ACTB: variants seen among roughly 807,000 people sequenced by gnomAD.
The protein encoded by ACTB is actin, cytoplasmic 1.
A neutral mutation model predicts 30.5 loss-of-function variants in ACTB; 2 were observed. The ratio of observed to expected loss-of-function variants is 0.07; its 90% CI spans 0.03 to 0.21. The LOEUF (loss-of-function observed/expected upper bound fraction) is 0.21, where lower values mean the gene tolerates loss of function less well. ACTB is among the 10% of genes least tolerant of loss of function. The pLI is 1.00. For missense variants in ACTB, 56 were observed against 530.0 expected, an observed-to-expected ratio of 0.11 and a Z score of 8.78; for synonymous variants, 335 against 217.6, an observed-to-expected ratio of 1.54 and a Z score of -4.75.
chr7:5,528,031 G>T lies in ACTB; in HGVS notation c.957C>A (p.Ala319=), dbSNP rs1190506800. 6.2e-7 allele frequency: 1 copy of T among 1,614,194 alleles called. No homozygotes were observed. The highest frequency in any genetic ancestry group is 1.1e-5 in the South Asian group (1 of 91,078). ...TGATCTTCATTGTGCTGGGTGCCAGGGCAGTGATCTCCTTCTGCATCCTGT... is the reference window on the plus strand; with the variant it reads ...TGATCTTCATTGTGCTGGGTGCCAGTGCAGTGATCTCCTTCTGCATCCTGT... ...IADRMQKEIT[A]LAPSTMKIKI... Residue 319 remains alanine, a synonymous_variant, in exon 5 of 6, where the codon GCC becomes GCA. Coordinates refer to ENST00000646664, the MANE Select transcript of ACTB (RefSeq NM_001101.5).
Position 5,527,735 on chromosome 7 carries a change from A to G in ACTB, c.*13T>C. On this transcript the variant is annotated 3_prime_UTR_variant, in exon 6 of 6. Transcript: ENST00000646664. ...GTCAAGAAAGGGTGTAACGCAACTA[A>G]GTCATAGTCCGCCTAGAAGCATTTG... 1 of 1,613,430 alleles carries G rather than the reference A, an allele frequency of 6.2e-7. No homozygotes were observed.
Position 5,527,532 on chromosome 7 carries a change from G to GT in ACTB, c.*215dup. 1.4e-6 allele frequency: 1 copy of GT among 717,110 alleles called. No homozygotes were observed. Among genetic ancestry groups the GT allele is most frequent in the South Asian group, 1.9e-5 (1 of 53,406 alleles). 44.4% of individuals were successfully genotyped at this position (717,110 alleles called of 1,614,324 possible). A position where few individuals can be genotyped will look rare whatever the true frequency, so the allele number is the denominator to read the frequency against. The stretch of plus-strand genomic sequence containing the variant: ...AAAAAAACAACAATGTGCAATCAAA[G>GT]TCCTCGGCCACATTGTGAACTTTGG... On this transcript the variant is annotated 3_prime_UTR_variant, in exon 6 of 6. Transcript: ENST00000646664.
rs141472083 is a variant in ACTB, at chr7:5,528,609, C to T, written c.474G>A (p.Gly158=). 74 of 1,613,832 alleles carry T rather than the reference C, an allele frequency of 4.6e-5. No individual in the cohort carries two copies. The highest frequency in any genetic ancestry group is 6.0e-5 in the Non-Finnish European group (71 of 1,180,020). The part of the protein sequence containing the change: ...TTGIVMDSGD[G]VTHTVPIYEG... ...CGTAGATGGGCACAGTGTGGGTGAC[C>T]CCGTCACCGGAGTCCATCACGATGC... Residue 158 remains glycine, a synonymous_variant, in exon 4 of 6, where the codon GGG becomes GGA. Transcript: ENST00000646664.
intron 1 of ACTB, among the ~76,000 whole-genome samples, chr7:5,530,195 C>T (rs1362195826): frequency 6.6e-6 from 1 of 152,098 alleles, no homozygotes; most frequent in African/African-American, 2.4e-5. Context: ...CAGCCCCCAC[C>T]GGGCCTGGCG....
At chr7:5,529,880 C>G (rs1784850137) in intron 1 of ACTB, 1 of 741,958 alleles carries the variant, frequency 1.3e-6, no homozygotes, top group South Asian at 1.5e-5. Flanking sequence ...CCCTCCCAAC[C>G]GGGCGCCAGC....
In ACTB at chr7:5,527,377, G is replaced by C. The variant is rs1257978054; in HGVS notation, c.*371C>G. 2 of 312,900 alleles carry C rather than the reference G, an allele frequency of 6.4e-6. No individual in the cohort carries two copies. The highest frequency in any genetic ancestry group is 1.5e-4 in the East Asian group (2 of 13,082). 19.4% of individuals were successfully genotyped at this position (312,900 alleles called of 1,614,324 possible). On this transcript the variant is annotated 3_prime_UTR_variant, in exon 6 of 6. Transcript: ENST00000646664. The stretch of plus-strand genomic sequence containing the variant: ...TTTGCATTACATAATTTACACGAAA[G>C]CAATGCTATCACCTCCCCTGTGTGG...
At chr7:5,530,316 G>A (rs7798353) in intron 1 of ACTB, among the ~76,000 whole-genome samples, 13,558 of 152,006 alleles carry the variant, frequency 0.089, 1,309 homozygotes, top group African/African-American at 0.24. Flanking sequence ...CGCGCCTCCC[G>A]AGCGCGGCCT....
At position 5,528,736 on chromosome 7, in the gene ACTB, C is replaced by T; in HGVS notation, c.364-17G>A. 2 of 1,612,722 alleles carry T rather than the reference C, an allele frequency of 1.2e-6. No individual in the cohort carries two copies. The highest frequency in any genetic ancestry group is 1.7e-6 in the Non-Finnish European group (2 of 1,179,470). On this transcript the variant is annotated splice_polypyrimidine_tract_variant and intron_variant, in intron 3 of 5. Coordinates refer to ENST00000646664, the MANE Select transcript of ACTB (RefSeq NM_001101.5). ...AAACATGATCTGTAAGGCAGAGATA[C>T]ACCATGTCACACTGGGGAAGCCACT...
At position 5,528,447 on chromosome 7, in the gene ACTB, A is replaced by C; in HGVS notation, c.636T>G (p.Ile212Met). The stretch of plus-strand genomic sequence containing the variant: ...GGGCGACGTAGCACAGCTTCTCCTT[A>C]ATGTCACGCACGATTTCCCGCTCGG... ...TTAEREIVRD[I>M]KEKLCYVALD... Residue 212 changes from isoleucine (I) to methionine (M), a missense_variant, in exon 4 of 6, where the codon ATT becomes ATG. By Grantham distance (10) the Ile-to-Met change is conservative. Around this residue, in one of 5 missense-constraint regions of ACTB, gnomAD observed 32 missense variants for 288.4 expected, o/e 0.11. Coordinates refer to ENST00000646664, the MANE Select transcript of ACTB (RefSeq NM_001101.5). The C allele has an allele frequency of 6.2e-7, 1 of 1,614,060 alleles. No homozygotes were observed. The highest frequency in any genetic ancestry group is 8.5e-7 in the Non-Finnish European group (1 of 1,180,032).
Position 5,528,248 on chromosome 7 carries a change from G to A in ACTB, c.802+33C>T, listed in dbSNP as rs777412747. 8.9e-5 allele frequency: 143 copies of A among 1,613,702 alleles called. 1 individual carries two copies. The highest frequency in any genetic ancestry group is 8.3e-5 in the Non-Finnish European group (98 of 1,179,704). On this transcript the variant is annotated intron_variant, in intron 4 of 5. Coordinates refer to ENST00000646664, the MANE Select transcript of ACTB (RefSeq NM_001101.5). ...CACAGCCCCGAGGGGTAACCCTCATGTCAGGCAGAGCCGGGAGACAGTCTC... is the reference window on the plus strand; with the variant it reads ...CACAGCCCCGAGGGGTAACCCTCATATCAGGCAGAGCCGGGAGACAGTCTC...
Position 5,529,601 on chromosome 7 carries a change from G to C in ACTB, c.57C>G (p.Ala19=). 1.2e-6 allele frequency: 2 copies of C among 1,611,482 alleles called. No homozygotes were observed. Among genetic ancestry groups the C allele is most frequent in the Non-Finnish European group, 1.7e-6 (2 of 1,179,686 alleles). ...VVDNGSGMCK[A]GFAGDDAPRA... is the part of the protein sequence containing the mutation. ...GGGGGGCATCGTCGCCCGCGAAGCC[G>C]GCCTTGCACATGCCGGAGCCGTTGT... The change falls in exon 2 of 6, where the codon GCC becomes GCG. Residue 19 remains alanine, a synonymous_variant. Coordinates refer to ENST00000646664, the MANE Select transcript of ACTB (RefSeq NM_001101.5).
chr7:5,528,894 C>T, intron 3 of ACTB, 175 bp from the exon 4 acceptor site: 6 of 1,420,310 alleles, frequency 4.2e-6, no homozygotes, highest in Admixed American at 2.0e-5. Flanking sequence ...GGCCGCTTTA[C>T]ACCAGCCTCA....
At position 5,527,485 on chromosome 7, in the gene ACTB, T is replaced by G; in HGVS notation, c.*263A>C. The G allele has an allele frequency of 3.5e-6, 2 of 568,426 alleles. No homozygotes were observed. The highest frequency in any genetic ancestry group is 2.0e-5 in the South Asian group (1 of 48,920). 35.2% of individuals were successfully genotyped at this position (568,426 alleles called of 1,614,324 possible). On this transcript the variant is annotated 3_prime_UTR_variant, in exon 6 of 6. Transcript: ENST00000646664. ...GCAAGGGACTTCCTGTAACAACGCATCTCATATTTGGAATGACTATTAAAA... is the reference window on the plus strand; with the variant it reads ...GCAAGGGACTTCCTGTAACAACGCAGCTCATATTTGGAATGACTATTAAAA...
chr7:5,529,520 A>T lies in ACTB; in HGVS notation c.123+15T>A, dbSNP rs747636718. On this transcript the variant is annotated intron_variant, in intron 2 of 5. Transcript: ENST00000646664. The stretch of plus-strand genomic sequence containing the variant: ...GCCCGCTCCCGGGGCTGCCCCACCC[A>T]GCCAGCTCCCCTACCTGGTGCCTGG... 3 of 1,611,662 alleles carry T rather than the reference A, an allele frequency of 1.9e-6. No homozygotes were observed. Among genetic ancestry groups the T allele is most frequent in the Non-Finnish European group, 2.5e-6 (3 of 1,179,226 alleles).
At chr7:5,529,814 G>A (rs551830507) in intron 1 of ACTB, 151 bp from the exon 2 acceptor site, 4 of 1,292,596 alleles carry the variant, frequency 3.1e-6, no homozygotes, top group Middle Eastern at 1.9e-4. Flanking sequence ...ACCATAAAAG[G>A]CAAACACTGG....
chr7:5,529,008 G>A (rs760985938), intron 3 of ACTB, 153 bp downstream of exon 3: 31 of 1,606,096 alleles, frequency 1.9e-5, no homozygotes, highest in South Asian at 5.5e-5. Flanking sequence ...CTGGGAAAAA[G>A]CAAATAGAAC....
chr7:5,529,824 G>T, intron 1 of ACTB, 161 bp from the exon 2 acceptor site: 1 of 1,192,098 alleles, frequency 8.4e-7, no homozygotes, highest in Non-Finnish European at 1.2e-6. Context: ...GCAAACACTG[G>T]TCGGAGGCGT....
chr7:5,529,777 AAAGG>A, intron 1 of ACTB, 114 bp from the exon 2 acceptor site: 4 of 1,532,892 alleles, frequency 2.6e-6, no homozygotes, highest in South Asian at 2.3e-5. Context: ...GATTGGGGAC[AAAGG>A]AAGCCGGGCC....
intron 3 of ACTB, 200 bp from the exon 4 acceptor site, chr7:5,528,919 G>T (rs1055849290): frequency 1.4e-6 from 2 of 1,469,610 alleles, no homozygotes; most frequent in East Asian, 4.9e-5. Flanking sequence ...CTTGTCACAC[G>T]AGCCAGTGTT....
Sources: gnomAD v4.1 joint callset for allele counts (sites outside exome capture counted in the v4.1 genomes callset) on GRCh38, gnomAD v4.1.1 for gene constraint, gnomAD v4.1.1 regional missense constraint, MANE v1.5 for transcripts, NCBI Gene and HGNC (gene_info 2026-07-23, HGNC 2026-07-21) for gene names.